HDAC6: variants seen among roughly 807,000 people sequenced by gnomAD.
HDAC6 encodes the protein histone deacetylase 6, also known as protein deacetylase HDAC6.
In HDAC6, 5 loss-of-function variants were observed where a neutral mutation model predicts 88.9. The observed-to-expected ratio is 0.06, with a 90% CI of 0.03 to 0.12. The LOEUF (loss-of-function observed/expected upper bound fraction) is 0.12, where lower values mean the gene tolerates loss of function less well. Among genes scored for constraint, HDAC6 ranks in the 10% least tolerant of loss-of-function variants. The pLI is 1.00. For synonymous variants in HDAC6, 378 were observed against 398.0 expected, an observed-to-expected ratio of 0.95 and a Z score of 0.60; for missense variants, 706 against 1,014.4, an observed-to-expected ratio of 0.70 and a Z score of 4.13.
Position 48,805,678 on chromosome X carries a change from G to T in HDAC6, c.437+7G>T, listed in dbSNP as rs782542834. The T allele has an allele frequency of 9.4e-6, 11 of 1,164,622 alleles. No individual in the cohort carries two copies. The highest frequency in any genetic ancestry group is 1.3e-5 in the Non-Finnish European group (11 of 868,297). On this transcript the variant is annotated splice_region_variant and intron_variant, in intron 6 of 28. Transcript: ENST00000334136. ...AGCTGATGTTGGTTCACAGGTGAAG[G>T]CTTGGGAGCCTTGTAGGGATGGGGA...
intron 10 of HDAC6, among the ~76,000 whole-genome samples, chrX:48,812,263 CAAAA>C (rs1427574628): frequency 8.9e-6 from 1 of 112,396 alleles, no homozygotes; most frequent in African/African-American, 3.2e-5. Context: ...AACAAACAAA[CAAAA>C]AGAACATGTC....
At chrX:48,801,584 C>A (rs910747850), upstream of HDAC6, 1 of 212,723 alleles carries the variant, frequency 4.7e-6, no homozygotes, top group African/African-American at 3.1e-5. Flanking sequence ...AAAAAGCTTG[C>A]ACCGCAGCCC....
At chrX:48,816,077 G>A (rs782003620) in intron 17 of HDAC6, 25 bp downstream of exon 17, 1 of 1,210,155 alleles carries the variant, frequency 8.3e-7, no homozygotes, top group South Asian at 1.8e-5. Context: ...GGCTGGATGA[G>A]TAGGTGTTGG....
Position 48,803,051 on chromosome X carries a change from G to A in HDAC6, c.222+52G>A. On this transcript the variant is annotated intron_variant, in intron 3 of 28. Coordinates refer to ENST00000334136, the MANE Select transcript of HDAC6 (RefSeq NM_006044.4). Reference sequence around the variant, plus strand: ...CCTCGTATGACAATCAAAACCCAAAGGTTCCCCACCCTGGACAGTTCCCTC... The same window carrying A: ...CCTCGTATGACAATCAAAACCCAAAAGTTCCCCACCCTGGACAGTTCCCTC... The A allele has an allele frequency of 2.5e-6, 3 of 1,203,102 alleles. No homozygotes were observed. The South Asian group carries it at 5.4e-5, about 21-fold the overall frequency.
chrX:48,824,876 C>G lies in HDAC6; in HGVS notation c.*264C>G, dbSNP rs149901941. On this transcript the variant is annotated 3_prime_UTR_variant, in exon 29 of 29. Transcript: ENST00000334136. ...GGAAAGGGGGGCAGCTCAGTGGCCC[C>G]AAGAGGGAGCTGATATCATGAGGAT... The G allele has an allele frequency of 4.1e-4, 460 of 1,114,879 alleles. 1 individual carries two copies. In the African/African-American group the frequency reaches 7.7e-3, roughly 19 times the overall value. 91.9% of individuals were successfully genotyped at this position (1,114,879 alleles called of 1,213,427 possible). A position where few individuals can be genotyped will look rare whatever the true frequency, so the allele number is the denominator to read the frequency against.
At position 48,816,512 on chromosome X, in the gene HDAC6, G is replaced by T; in HGVS notation, c.1670G>T (p.Arg557Leu). The change falls in exon 19 of 29, where the codon CGG becomes CTG. Residue 557 changes from arginine to leucine, a missense_variant. By Grantham distance (102) the Arg-to-Leu change is moderately radical (BLOSUM62 -2). Coordinates refer to ENST00000334136, the MANE Select transcript of HDAC6 (RefSeq NM_006044.4). ...HLRATEKMKT[R>L]ELHRESSNFD... ...CGGGCCACAGAGAAAATGAAAACCCGGGAGCTGCACCGTGAGAGTTCCAAC... is the reference window on the plus strand; with the variant it reads ...CGGGCCACAGAGAAAATGAAAACCCTGGAGCTGCACCGTGAGAGTTCCAAC... The T allele has an allele frequency of 4.1e-6, 5 of 1,209,140 alleles. No individual in the cohort carries two copies. The highest frequency in any genetic ancestry group is 5.6e-6 in the Non-Finnish European group (5 of 894,097).
Position 48,824,539 on chromosome X carries a change from C to T in HDAC6, c.3580-5C>T. 8.3e-7 allele frequency: 1 copy of T among 1,208,350 alleles called. No individual in the cohort carries two copies. Among genetic ancestry groups the T allele is most frequent in the Non-Finnish European group, 1.1e-6 (1 of 893,048 alleles). ...TCACCTGCCCTATTCTTGCCTCCTC[C>T]TCAGGCTCTCCTAGATGTGAAGAAC... On this transcript the variant is annotated splice_polypyrimidine_tract_variant and splice_region_variant and intron_variant, in intron 28 of 28. Transcript: ENST00000334136.
Position 48,816,300 on chromosome X carries a change from T to C in HDAC6, c.1622+31T>C, listed in dbSNP as rs781848137. On this transcript the variant is annotated intron_variant, in intron 18 of 28. Transcript: ENST00000334136. Reference sequence around the variant, plus strand: ...ACCCCGGTGCCTGGGGTGGGTGGATTCCCAGGACTGTGGATGAGGTCTCAG... The same window carrying C: ...ACCCCGGTGCCTGGGGTGGGTGGATCCCCAGGACTGTGGATGAGGTCTCAG... The C allele has an allele frequency of 5.0e-6, 6 of 1,189,987 alleles. No individual in the cohort carries two copies. The African/African-American group carries it at 8.8e-5, about 17-fold the overall frequency.
Position 48,802,669 on chromosome X carries a change from G to T in HDAC6, c.-24G>T. 8.4e-7 allele frequency: 1 copy of T among 1,191,212 alleles called. No homozygotes were observed. Among genetic ancestry groups the T allele is most frequent in the Admixed American group, 2.3e-5 (1 of 43,209 alleles). ...CTCCTCCCCCCACCCCCAGAACCGC[G>T]GCAGGGGCCAAGCCTCCTCAACTAT... On this transcript the variant is annotated 5_prime_UTR_variant, in exon 2 of 29. Transcript: ENST00000334136.
In HDAC6 at chrX:48,824,637, C is replaced by T. The variant is rs1557031862; in HGVS notation, c.*25C>T. 8.3e-7 allele frequency: 1 copy of T among 1,203,972 alleles called. No homozygotes were observed. Among genetic ancestry groups the T allele is most frequent in the South Asian group, 1.8e-5 (1 of 55,866 alleles). ...AGCCCCAGAATACGGTCCCTCTTCA[C>T]CTTCTGAGGCCCACGATAGACCAGC... On this transcript the variant is annotated 3_prime_UTR_variant, in exon 29 of 29. Transcript: ENST00000334136.
At chrX:48,802,296 G>A in intron 1 of HDAC6, 154 bp downstream of exon 1, 1 of 892,402 alleles carries the variant, frequency 1.1e-6, no homozygotes, top group Non-Finnish European at 1.4e-6. Flanking sequence ...TGGGGTCTGG[G>A]CTGGGCTTAG....
In HDAC6 at chrX:48,817,328, T is replaced by G. The variant is rs781955760; in HGVS notation, c.1794T>G (p.Val598=). The G allele has an allele frequency of 2.9e-5, 35 of 1,201,340 alleles. No homozygotes were observed. The highest frequency in any genetic ancestry group is 3.9e-5 in the Non-Finnish European group (35 of 890,021). ...CTTAGCACCCTGCTGCTTCCCAGGT[T>G]CTGAATGGTGCTGCTGTGGTGCGTC... ...RLVEAVLSGE[V]LNGAAVVRPP... The change falls in exon 20 of 29, where the codon GTT becomes GTG. Residue 598 remains valine (V), a splice_region_variant and synonymous_variant. Coordinates refer to ENST00000334136, the MANE Select transcript of HDAC6 (RefSeq NM_006044.4).
chrX:48,821,800 G>C (rs1002087458), intron 23 of HDAC6, among the ~76,000 whole-genome samples: 1 of 111,835 alleles, frequency 8.9e-6, no homozygotes, highest in African/African-American at 3.3e-5. Context: ...GAGCCACCGC[G>C]CCCAGCCTGT....
At chrX:48,814,225 G>T (rs2062945346) in intron 10 of HDAC6, 1 of 425,614 alleles carries the variant, frequency 2.3e-6, no homozygotes, top group Non-Finnish European at 4.1e-6. Flanking sequence ...TGAAAAAATG[G>T]TAAGATGATT....
intron 16 of HDAC6, 86 bp from the exon 17 acceptor site, chrX:48,815,798 C>T: frequency 1.7e-5 from 19 of 1,102,284 alleles, no homozygotes; most frequent in Admixed American, 2.5e-5. Flanking sequence ...CCTCCCACCC[C>T]TTTTTCTGTT....
chrX:48,824,074 G>A lies in HDAC6; in HGVS notation c.3450+6G>A. 3 of 1,208,540 alleles carry A rather than the reference G, an allele frequency of 2.5e-6. No homozygotes were observed. The highest frequency in any genetic ancestry group is 3.4e-6 in the Non-Finnish European group (3 of 892,916). On this transcript the variant is annotated splice_donor_region_variant and intron_variant, in intron 27 of 28. Coordinates refer to ENST00000334136, the MANE Select transcript of HDAC6 (RefSeq NM_006044.4). ...TGTGTCTCTCTTGCTATCAGGTATG[G>A]AGCAGAGGAAGGGGATGGGGCGGAG...
At position 48,817,425 on chromosome X, in the gene HDAC6, C is replaced by T; in HGVS notation, c.1891C>T (p.Arg631Cys). 2 of 1,209,532 alleles carry T rather than the reference C, an allele frequency of 1.7e-6. No homozygotes were observed. The highest frequency in any genetic ancestry group is 2.2e-6 in the Non-Finnish European group (2 of 894,701). ...CFFNSVAVAA[R>C]HAQTISGHAL... Reference sequence around the variant, plus strand: ...TTTCAACTCTGTGGCTGTGGCTGCTCGCCATGCCCAGACTATCAGTGGGCA... The same window carrying T: ...TTTCAACTCTGTGGCTGTGGCTGCTTGCCATGCCCAGACTATCAGTGGGCA... The change falls in exon 20 of 29, where the codon CGC becomes TGC. Residue 631 changes from arginine (R) to cysteine (C), a missense_variant. Around this residue, in one of 9 missense-constraint regions of HDAC6, gnomAD observed 138 missense variants for 303.5 expected, o/e 0.45. Coordinates refer to ENST00000334136, the MANE Select transcript of HDAC6 (RefSeq NM_006044.4).
chrX:48,806,616 A>T lies in HDAC6; in HGVS notation c.542A>T (p.Tyr181Phe). 8.3e-7 allele frequency: 1 copy of T among 1,202,133 alleles called. No individual in the cohort carries two copies. Among genetic ancestry groups the T allele is most frequent in the Non-Finnish European group, 1.1e-6 (1 of 888,711 alleles). Reference protein sequence around the residue: ...YDSVYLHPNSYSCACLASGSV... With the variant: ...YDSVYLHPNSFSCACLASGSV... ...TCCCCACTGTCTCTCCAGAACTCATACTCCTGTGCCTGCCTGGCCTCAGGC... is the reference window on the plus strand; with the variant it reads ...TCCCCACTGTCTCTCCAGAACTCATTCTCCTGTGCCTGCCTGGCCTCAGGC... The change falls in exon 8 of 29, where the codon TAC (tyrosine) becomes TTC (phenylalanine). Residue 181 changes from tyrosine to phenylalanine, a missense_variant. Transcript: ENST00000334136.
At chrX:48,816,662 G>A (rs782505432) in intron 19 of HDAC6, 29 bp downstream of exon 19, 13 of 1,153,338 alleles carry the variant, frequency 1.1e-5, no homozygotes, top group Non-Finnish European at 1.5e-5. Flanking sequence ...GGGGAGAGGA[G>A]GACCTGGGGG....
Sources: gnomAD v4.1 joint callset for allele counts (sites outside exome capture counted in the v4.1 genomes callset) on GRCh38, gnomAD v4.1.1 for gene constraint, gnomAD v4.1.1 regional missense constraint, MANE v1.5 for transcripts, NCBI Gene and HGNC (gene_info 2026-07-23, HGNC 2026-07-21) for gene names.